CLCA2: variants seen among roughly 807,000 people sequenced by gnomAD.
CLCA2 encodes the protein chloride channel accessory 2.
Under a neutral mutation model 82.9 loss-of-function variants are expected in CLCA2, and 85 were observed. That is an observed-to-expected ratio of 1.03 (90% confidence interval 0.86 to 1.23). CLCA2 has a LOEUF of 1.23. Ranked by LOEUF, CLCA2 falls within the 50% of genes most tolerant of loss-of-function variation. The pLI, the probability that CLCA2 is intolerant of heterozygous loss-of-function variation, is 0.00. For missense variants in CLCA2, 1,089 were observed against 1,124.8 expected, an observed-to-expected ratio of 0.97 and a Z score of 0.45; for synonymous variants, 421 against 391.7, an observed-to-expected ratio of 1.07 and a Z score of -0.88.
chr1:86,453,335 G>T, intron 12 of CLCA2, 34 bp from the exon 13 acceptor site: 3 of 1,550,684 alleles, frequency 1.9e-6, no homozygotes, highest in Non-Finnish European at 2.7e-6. Flanking sequence ...TTTGTAATTT[G>T]TCATTTTGCC....
intron 1 of CLCA2, 27 bp downstream of exon 1, chr1:86,424,460 T>C: frequency 1.3e-6 from 2 of 1,580,272 alleles, no homozygotes; most frequent in Non-Finnish European, 1.7e-6. Context: ...AAATTGATAC[T>C]AGCATCCCAT....
chr1:86,428,412 A>C lies in CLCA2; in HGVS notation c.325-6A>C. 1 of 1,584,264 alleles carries C rather than the reference A, an allele frequency of 6.3e-7. No homozygotes were observed. The highest frequency in any genetic ancestry group is 8.6e-7 in the Non-Finnish European group (1 of 1,165,988). ...AAAGTATTACAAGGCATTTCTTTTAATTTAGGCAAATGTCATAGTGACTGA... is the reference window on the plus strand; with the variant it reads ...AAAGTATTACAAGGCATTTCTTTTACTTTAGGCAAATGTCATAGTGACTGA... On this transcript the variant is annotated splice_polypyrimidine_tract_variant and splice_region_variant and intron_variant, in intron 2 of 13. Transcript: ENST00000370565.
At chr1:86,445,877 A>C (rs35604082) in intron 10 of CLCA2, among the ~76,000 whole-genome samples, 6,904 of 152,242 alleles carry the variant, frequency 0.045, 262 homozygotes, top group African/African-American at 0.1. Flanking sequence ...AAAGTCTCCA[A>C]TTACTGTGTG....
In CLCA2 at chr1:86,424,239, C is replaced by T. The variant is rs1172558070; in HGVS notation, c.-9C>T. On this transcript the variant is annotated 5_prime_UTR_variant, in exon 1 of 14. Transcript: ENST00000370565. Reference sequence around the variant, plus strand: ...CTCAGTGTGAGTGAACTGGAGGCTTCTCTACAACATGACCCAAAGGAGCAT... The same window carrying T: ...CTCAGTGTGAGTGAACTGGAGGCTTTTCTACAACATGACCCAAAGGAGCAT... 6.2e-7 allele frequency: 1 copy of T among 1,608,608 alleles called. No individual in the cohort carries two copies. The highest frequency in any genetic ancestry group is 8.5e-7 in the Non-Finnish European group (1 of 1,178,076).
At position 86,447,528 on chromosome 1, in the gene CLCA2, C is replaced by T. The variant is rs2101709213; in HGVS notation, c.1734C>T (p.Thr578=). ...TACAGCCTGGGCACTGGACTTACAC[C>T]CTGAACAATACCCATCATTCTCTGC... The part of the protein sequence containing the change: ...GTAKPGHWTY[T]LNNTHHSLQA... Residue 578 remains threonine, a synonymous_variant, in exon 11 of 14, where the codon ACC becomes ACT. Transcript: ENST00000370565. 6.2e-7 allele frequency: 1 copy of T among 1,614,010 alleles called. No individual in the cohort carries two copies. The highest frequency in any genetic ancestry group is 2.2e-5 in the East Asian group (1 of 44,874).
chr1:86,446,387 A>G (rs975383755), intron 10 of CLCA2, among the ~76,000 whole-genome samples: 18 of 151,496 alleles, frequency 1.2e-4, no homozygotes, highest in African/African-American at 4.1e-4. Flanking sequence ...TGTTCTTTTC[A>G]CACCTGTGTA....
At position 86,428,597 on chromosome 1, in the gene CLCA2, T is replaced by C. The variant is rs764197710; in HGVS notation, c.475+29T>C. 3.1e-6 allele frequency: 5 copies of C among 1,606,078 alleles called. No individual in the cohort carries two copies. The South Asian group carries it at 3.4e-5, about 11-fold the overall frequency. On this transcript the variant is annotated intron_variant, in intron 3 of 13. Coordinates refer to ENST00000370565, the MANE Select transcript of CLCA2 (RefSeq NM_006536.7). Reference sequence around the variant, plus strand: ...AGTGGGACCAATAAAACAATAGCCATTGGACAATACTACTTATAATATTCT... The same window carrying C: ...AGTGGGACCAATAAAACAATAGCCACTGGACAATACTACTTATAATATTCT...
chr1:86,454,981 T>TA (rs1459582013), intron 13 of CLCA2, 104 bp from the exon 14 acceptor site: 3 of 612,506 alleles, frequency 4.9e-6, no homozygotes, highest in Non-Finnish European at 8.0e-6. Context: ...TGTTTATTTC[T>TA]AAATATTTTG....
intron 13 of CLCA2, 106 bp downstream of exon 13, chr1:86,453,708 G>A (rs960520042): frequency 4.2e-6 from 4 of 948,122 alleles, no homozygotes; most frequent in African/African-American, 3.3e-5. Context: ...GTTGTGAAAA[G>A]CTCTGAGTTG....
At chr1:86,449,024 A>G (rs896469438) in intron 11 of CLCA2, among the ~76,000 whole-genome samples, 12 of 152,240 alleles carry the variant, frequency 7.9e-5, no homozygotes, top group African/African-American at 2.9e-4. Flanking sequence ...TTGATATCTA[A>G]ATGTATGCAC....
Position 86,455,069 on chromosome 1 carries a change from T to C in CLCA2, c.2390-16T>C, listed in dbSNP as rs1476634624. The C allele has an allele frequency of 7.0e-6, 10 of 1,422,700 alleles. No homozygotes were observed. The highest frequency in any genetic ancestry group is 4.3e-5 in the African/African-American group (3 of 69,486). 88.1% of individuals were successfully genotyped at this position (1,422,700 alleles called of 1,614,324 possible). A position where few individuals can be genotyped will look rare whatever the true frequency, so the allele number is the denominator to read the frequency against. On this transcript the variant is annotated splice_polypyrimidine_tract_variant and intron_variant, in intron 13 of 13. Transcript: ENST00000370565. The stretch of plus-strand genomic sequence containing the variant: ...CAAAGTGACTTAATTTTCCTATTTA[T>C]ATTTTTTAATTTCAGCTACAAGCTA...
chr1:86,428,228 C>T (rs1473409738), intron 2 of CLCA2, among the ~76,000 whole-genome samples, 190 bp from the exon 3 acceptor site: 2 of 152,164 alleles, frequency 1.3e-5, no homozygotes, highest in African/African-American at 4.8e-5. Flanking sequence ...TGATATGTAG[C>T]TGTGGGTGCA....
chr1:86,432,553 A>C (rs1662522680), intron 5 of CLCA2, 25 bp downstream of exon 5: 1 of 1,602,114 alleles, frequency 6.2e-7, no homozygotes, highest in Non-Finnish European at 8.5e-7. Context: ...GGAATGACAC[A>C]CTCTTGCAGG....
At position 86,455,482 on chromosome 1, in the gene CLCA2, G is replaced by C. The variant is rs1663059015; in HGVS notation, c.2787G>C (p.Arg929Ser). ...TTGTGACACATCATACTTTAAGCAG[G>C]AAAAAGAGAGCAGACAAGAAAGAGA... ...IIVVTHHTLS[R>S]KKRADKKENG... The change falls in exon 14 of 14, where the codon AGG becomes AGC. Residue 929 changes from arginine (R) to serine (S), a missense_variant. Physicochemically the swap from Arg to Ser is moderately radical, Grantham distance 110. Transcript: ENST00000370565. 6.7e-7 allele frequency: 1 copy of C among 1,501,152 alleles called. No homozygotes were observed. The highest frequency in any genetic ancestry group is 8.9e-7 in the Non-Finnish European group (1 of 1,127,058). The allele number at this position is 1,501,152 out of a possible 1,614,324, so 93.0% of individuals were successfully genotyped here. A position where few individuals can be genotyped will look rare whatever the true frequency, so the allele number is the denominator to read the frequency against.
intron 2 of CLCA2, among the ~76,000 whole-genome samples, chr1:86,426,826 G>A (rs1427603803): frequency 1.3e-5 from 2 of 151,952 alleles, no homozygotes; most frequent in Non-Finnish European, 2.9e-5. Flanking sequence ...GCATCTATTG[G>A]GCCTTCAATA....
rs776631840 is a variant in CLCA2, at chr1:86,455,424, TG to T, written c.2732del (p.Gly911ValfsTer2). The T allele has an allele frequency of 1.2e-6, 2 of 1,605,672 alleles. No individual in the cohort carries two copies. The highest frequency in any genetic ancestry group is 1.7e-6 in the Non-Finnish European group (2 of 1,177,068). ...YLILKGVLTA[M>X]GLIGIICLII... is the part of the protein sequence containing the mutation. ...ATATTGAAAGGAGTTTTAACAGCAA[TG>T]GGTTTGATAGGAATCATTTGCCTTA... On this transcript the variant is annotated frameshift_variant, in exon 14 of 14. Coordinates refer to ENST00000370565, the MANE Select transcript of CLCA2 (RefSeq NM_006536.7). LOFTEE classifies it low-confidence loss of function (END_TRUNC).
At chr1:86,430,058 G>A (rs1662463376) in intron 3 of CLCA2, among the ~76,000 whole-genome samples, 1 of 152,098 alleles carries the variant, frequency 6.6e-6, no homozygotes, top group Non-Finnish European at 1.5e-5. Context: ...CACAGCCTGA[G>A]TCAACTCAGC....
intron 10 of CLCA2, chr1:86,445,565 A>T (rs929109993): frequency 3.9e-5 from 6 of 152,024 alleles, no homozygotes; most frequent in Admixed American, 1.3e-4. Flanking sequence ...AGAAAAGACA[A>T]CTATTCATTT....
chr1:86,446,180 T>C (rs142787360), intron 10 of CLCA2, among the ~76,000 whole-genome samples: 2 of 151,648 alleles, frequency 1.3e-5, no homozygotes, highest in African/African-American at 4.8e-5. Context: ...TCTGCATAGT[T>C]GTCTTCTCTG....
Sources: gnomAD v4.1 joint callset for allele counts (sites outside exome capture counted in the v4.1 genomes callset) on GRCh38, gnomAD v4.1.1 for gene constraint, MANE v1.5 for transcripts, NCBI Gene and HGNC (gene_info 2026-07-23, HGNC 2026-07-21) for gene names.